FLT3: variants seen among roughly 807,000 people sequenced by gnomAD.
The protein encoded by FLT3 is receptor-type tyrosine-protein kinase FLT3.
FLT3 carries 46 observed loss-of-function variants against 126.6 expected under a neutral mutation model. That is an observed-to-expected ratio of 0.36 (90% CI 0.29 to 0.46). The LOEUF is 0.46. Ranked by LOEUF, FLT3 falls within the 20% of genes least tolerant of loss-of-function variation. The probability of loss-of-function intolerance (pLI) is 1.00; values close to 1 mark genes in which losing one functional copy is unlikely to be tolerated. For missense variants in FLT3, 1,069 were observed against 1,190.3 expected, an observed-to-expected ratio of 0.90 and a Z score of 1.50; for synonymous variants, 404 against 434.4, an observed-to-expected ratio of 0.93 and a Z score of 0.87.
chr13:28,050,088 G>T lies in FLT3; in HGVS notation c.742+7C>A. 2 of 1,613,856 alleles carry T rather than the reference G, an allele frequency of 1.2e-6. No homozygotes were observed. The highest frequency in any genetic ancestry group is 1.7e-6 in the Non-Finnish European group (2 of 1,179,866). On this transcript the variant is annotated splice_region_variant and intron_variant, in intron 6 of 23. Transcript: ENST00000241453. Reference sequence around the variant, plus strand: ...GAAAATGAAAGTGCATGATATTATAGTGTTACCTATTGTGAACAGCCTGGT... The same window carrying T: ...GAAAATGAAAGTGCATGATATTATATTGTTACCTATTGTGAACAGCCTGGT...
At chr13:28,069,515 G>T (rs1176100859) in intron 2 of FLT3, among the ~76,000 whole-genome samples, 1 of 152,094 alleles carries the variant, frequency 6.6e-6, no homozygotes, top group Non-Finnish European at 1.5e-5. Flanking sequence ...CCTATATACT[G>T]GGGGCAGCTG....
intron 23 of FLT3, among the ~76,000 whole-genome samples, chr13:28,009,820 C>T (rs1206975555): frequency 6.6e-6 from 1 of 152,108 alleles, no homozygotes; most frequent in East Asian, 1.9e-4. Context: ...CCTCAGCCTC[C>T]CAGAGTGCTG....
intron 17 of FLT3, among the ~76,000 whole-genome samples, chr13:28,025,832 G>A (rs73436967): frequency 0.077 from 11,762 of 152,166 alleles, 1,170 homozygotes; most frequent in African/African-American, 0.24. Flanking sequence ...AGCTGCACAC[G>A]GACGTGCATG....
rs1360829467 is a variant in FLT3 at position 28,070,594 on chromosome 13, A to G, written c.62T>C (p.Ile21Thr). ...LPLLVVFSAM[I>T]FGTITNQDLP... is the part of the protein sequence containing the mutation. ...ATCTTGATTTGTAATAGTCCCAAAT[A>G]TCATTGCAGAAAAAACAACTGTAAA... Residue 21 changes from isoleucine to threonine, a missense_variant, in exon 2 of 24, where the codon ATA (isoleucine) becomes ACA (threonine). Ile to Thr is a moderately conservative substitution (Grantham distance 89). Transcript: ENST00000241453. The G allele has an allele frequency of 6.2e-7, 1 of 1,602,572 alleles. No individual in the cohort carries two copies. Among genetic ancestry groups the G allele is most frequent in the Non-Finnish European group, 8.5e-7 (1 of 1,170,994 alleles).
rs1870615616 is a variant in FLT3 at position 28,003,456 on chromosome 13, A to G, written c.*596T>C. ...GTTGCAGAAATCTTAGGCTGTGACA[A>G]CCATAGCTGCCTACACATTCCTTGT... On this transcript the variant is annotated 3_prime_UTR_variant, in exon 24 of 24. Coordinates refer to ENST00000241453, the MANE Select transcript of FLT3 (RefSeq NM_004119.3). 4.3e-6 allele frequency: 1 copy of G among 234,200 alleles called. No homozygotes were observed. The highest frequency in any genetic ancestry group is 5.6e-5 in the Admixed American group (1 of 17,960). The allele number at this position is 234,200 out of a possible 1,614,324, so 14.5% of individuals were successfully genotyped here. A position where few individuals can be genotyped will look rare whatever the true frequency, so the allele number is the denominator to read the frequency against.
intron 23 of FLT3, among the ~76,000 whole-genome samples, chr13:28,007,685 T>C (rs150244118): frequency 5.5e-4 from 84 of 152,338 alleles, no homozygotes; most frequent in Middle Eastern, 3.4e-3. Context: ...ACATTTACCA[T>C]GTTACCTTAG....
At chr13:28,072,569 G>A (rs1418498968) in intron 1 of FLT3, among the ~76,000 whole-genome samples, 8 of 152,064 alleles carry the variant, frequency 5.3e-5, no homozygotes, top group Admixed American at 2.0e-4. Flanking sequence ...GCTAATTTTC[G>A]TGTTTTTAGT....
intron 1 of FLT3, among the ~76,000 whole-genome samples, chr13:28,098,776 C>T (rs1334016794): frequency 7.1e-6 from 1 of 141,676 alleles, no homozygotes; most frequent in Non-Finnish European, 1.5e-5. Flanking sequence ...GGAATGGTAC[C>T]AGCAATTAAA....
intron 9 of FLT3, among the ~76,000 whole-genome samples, chr13:28,045,292 A>G (rs186561837): frequency 9.5e-4 from 144 of 152,344 alleles, no homozygotes; most frequent in African/African-American, 3.1e-3. Flanking sequence ...GAGGGAAAGC[A>G]ACATTACCTT....
chr13:28,096,007 G>A (rs1463267472), intron 1 of FLT3, among the ~76,000 whole-genome samples: 1 of 152,086 alleles, frequency 6.6e-6, no homozygotes, highest in East Asian at 1.9e-4. Flanking sequence ...TACTTTAAAT[G>A]GAAGAGCATT....
rs577297623 is a variant in FLT3 at position 28,090,487 on chromosome 13, T to A, written c.43+9981A>T. On this transcript the variant is annotated intron_variant, in intron 1 of 23. Transcript: ENST00000241453. The stretch of plus-strand genomic sequence containing the variant: ...TTGTACCTCAATAAACCTGACTTTT[T>A]AAAAAGCTGGCCAGATGCGGTGGCT... Among the ~76,000 whole-genome samples the A allele has an allele frequency of 8.5e-5, 13 of 152,238 alleles. No individual in the cohort carries two copies. In the South Asian group the frequency reaches 2.3e-3, roughly 27 times the overall value.
At chr13:28,097,211 CGAAA>C (rs1231457210) in intron 1 of FLT3, among the ~76,000 whole-genome samples, 4 of 137,384 alleles carry the variant, frequency 2.9e-5, no homozygotes, top group Non-Finnish European at 6.1e-5. Flanking sequence ...GGGAGACTGT[CGAAA>C]GAAAGAAAGA....
intron 1 of FLT3, among the ~76,000 whole-genome samples, chr13:28,091,314 C>T (rs940351825): frequency 1.1e-4 from 16 of 143,632 alleles, no homozygotes; most frequent in South Asian, 2.3e-4. Flanking sequence ...CTCCGCCTCC[C>T]GGGTTCACGC....
In FLT3 at chr13:28,049,424, A is replaced by G; in HGVS notation, c.996T>C (p.Ser332=). ...RNDTGYYTCS[S]SKHPSQSALV... ...AAGCTGATTGACTGGGATGCTTTGA[A>G]GAGGAACAAGTGTAGTATCCGGTGT... The change falls in exon 8 of 24, where the codon TCT becomes TCC. Residue 332 remains serine (S), a synonymous_variant. Coordinates refer to ENST00000241453, the MANE Select transcript of FLT3 (RefSeq NM_004119.3). 1 of 1,614,098 alleles carries G rather than the reference A, an allele frequency of 6.2e-7. No homozygotes were observed. Among genetic ancestry groups the G allele is most frequent in the Non-Finnish European group, 8.5e-7 (1 of 1,179,992 alleles).
At chr13:28,088,531 A>AG (rs1566106930) in intron 1 of FLT3, among the ~76,000 whole-genome samples, 1 of 146,160 alleles carries the variant, frequency 6.8e-6, no homozygotes, top group Non-Finnish European at 1.5e-5. Context: ...CAGGTGATCC[A>AG]CCTGCCTTGG....
intron 20 of FLT3, 45 bp downstream of exon 20, chr13:28,018,422 A>G (rs760330378): frequency 1.2e-6 from 2 of 1,608,918 alleles, no homozygotes; most frequent in Non-Finnish European, 1.7e-6. Context: ...TAACGACACA[A>G]CACAAAATAG....
At chr13:28,038,962 T>C (rs1283229078) in intron 9 of FLT3, among the ~76,000 whole-genome samples, 1 of 151,790 alleles carries the variant, frequency 6.6e-6, no homozygotes, top group Non-Finnish European at 1.5e-5. Context: ...GTCCAGCAGA[T>C]GATCAAAGAA....
chr13:28,074,075 C>G (rs906187557), intron 1 of FLT3, among the ~76,000 whole-genome samples: 1 of 152,176 alleles, frequency 6.6e-6, no homozygotes, highest in Non-Finnish European at 1.5e-5. Context: ...TCCCCCACAC[C>G]CAAGCCACCT....
chr13:28,021,450 A>G (rs936892499), intron 19 of FLT3, among the ~76,000 whole-genome samples: 8 of 152,190 alleles, frequency 5.3e-5, no homozygotes, highest in South Asian at 2.1e-4. Context: ...AAATAGAGAA[A>G]GACTCAGGTG....
Sources: allele counts gnomAD v4.1 joint callset (sites outside exome capture counted in the v4.1 genomes callset), GRCh38; gene constraint gnomAD v4.1.1; transcripts MANE v1.5; gene names NCBI Gene and HGNC (gene_info 2026-07-23, HGNC 2026-07-21).